The following P4HA1 variants were observed in gnomAD, a reference collection of about 807,000 sequenced individuals.
P4HA1 encodes prolyl 4-hydroxylase subunit alpha-1.
A neutral mutation model predicts 72.8 loss-of-function variants in P4HA1; 24 were observed. The ratio of observed to expected loss-of-function variants is 0.33; its 90% CI spans 0.24 to 0.46. P4HA1 has a LOEUF of 0.46. Ranked by LOEUF, P4HA1 falls within the 20% of genes least tolerant of loss-of-function variation. The probability of loss-of-function intolerance (pLI) is 1.00; values close to 1 mark genes in which losing one functional copy is unlikely to be tolerated. For synonymous variants in P4HA1, 201 were observed against 218.8 expected (o/e 0.92, Z 0.72); for missense variants, 446 against 640.6 (o/e 0.70, Z 3.28).
At chr10:73,076,751 A>AC (rs34584160) in intron 1 of P4HA1, among the ~76,000 whole-genome samples, 24,274 of 152,032 alleles carry the variant, frequency 0.16, 3,212 homozygotes, top group African/African-American at 0.34. Context: ...AGAATAAGTT[A>AC]CATTACAGTA....
rs560941013 is a variant in P4HA1, at chr10:73,043,293, G to A, written c.1148+1688C>T. Among the ~76,000 whole-genome samples, 23 of 152,286 alleles carry A rather than the reference G, an allele frequency of 1.5e-4. No homozygotes were observed. In the South Asian group the frequency reaches 4.8e-3, roughly 32 times the overall value. ...TGTTAGAATAAAAATTCAGCACAAA[G>A]ATATTTCTATTTTCATGAGAGCCGA... is the stretch of plus-strand genomic sequence containing the variant. On this transcript the variant is annotated intron_variant, in intron 9 of 14. Coordinates refer to ENST00000394890, the MANE Select transcript of P4HA1 (RefSeq NM_001017962.3).
At chr10:73,010,864 TGAAAAA>T in intron 13 of P4HA1, 99 bp downstream of exon 13, 1 of 839,858 alleles carries the variant, frequency 1.2e-6, no homozygotes, top group South Asian at 1.6e-5. Flanking sequence ...TCTCAAAAAA[TGAAAAA>T]GAAAAAAAAA....
intron 1 of P4HA1, among the ~76,000 whole-genome samples, chr10:73,084,457 C>A (rs1841885172): frequency 6.6e-6 from 1 of 152,088 alleles, no homozygotes; most frequent in Admixed American, 6.6e-5. Flanking sequence ...CCACGACCGG[C>A]CAATTTTTTA....
At chr10:73,077,338 AAG>A (rs1336364146) in intron 1 of P4HA1, among the ~76,000 whole-genome samples, 2 of 152,248 alleles carry the variant, frequency 1.3e-5, no homozygotes, top group Non-Finnish European at 2.9e-5. Context: ...TTTGTCAGAA[AAG>A]AGGTTATTTT....
intron 1 of P4HA1, among the ~76,000 whole-genome samples, chr10:73,093,895 TATATATATATATACAC>T (rs1268606309): frequency 3.7e-5 from 3 of 80,204 alleles, no homozygotes; most frequent in African/African-American, 1.2e-4. Flanking sequence ...TATATATATA[TATATATATATATACAC>T]ACACACACAC....
Position 73,014,259 on chromosome 10 carries a change from C to T in P4HA1, c.1333G>A (p.Gly445Arg). 1.2e-6 allele frequency: 2 copies of T among 1,613,368 alleles called. No individual in the cohort carries two copies. The highest frequency in any genetic ancestry group is 1.3e-5 in the African/African-American group (1 of 75,016). The change falls in exon 12 of 15, where the codon GGG (glycine) becomes AGG (arginine). Residue 445 changes from glycine (G) to arginine (R), a missense_variant. Transcript: ENST00000394890. ...CATGTAGCAATTCTATTTCCTGTCC[C>T]CAGCTCTTTGAAAGCATCTGGCTCA... Reference protein sequence around the residue: ...KDEPDAFKELGTGNRIATWLF... With the variant: ...KDEPDAFKELRTGNRIATWLF...
intron 9 of P4HA1, among the ~76,000 whole-genome samples, chr10:73,038,563 C>T (rs1488364659): frequency 4.6e-5 from 7 of 151,684 alleles, no homozygotes; most frequent in Non-Finnish European, 8.8e-5. Context: ...CTCTGATCTA[C>T]CCAAAATTAT....
chr10:73,042,738 T>C (rs1840767203), intron 9 of P4HA1, among the ~76,000 whole-genome samples: 1 of 151,892 alleles, frequency 6.6e-6, no homozygotes, highest in Admixed American at 6.6e-5. Flanking sequence ...GAGGTAGTGG[T>C]GGGGATTTTA....
At chr10:73,073,118 C>T (rs1264063749) in intron 3 of P4HA1, among the ~76,000 whole-genome samples, 1 of 144,210 alleles carries the variant, frequency 6.9e-6, no homozygotes, top group Non-Finnish European at 1.5e-5. Flanking sequence ...TGCAGTGAGC[C>T]ACGATCATGC....
chr10:73,088,704 G>A (rs1376145511), intron 1 of P4HA1, among the ~76,000 whole-genome samples: 2 of 152,166 alleles, frequency 1.3e-5, no homozygotes, highest in Admixed American at 6.6e-5. Flanking sequence ...GATACTTGGT[G>A]CCCAAATAAA....
At chr10:73,076,058 C>T (rs76390366) in intron 1 of P4HA1, among the ~76,000 whole-genome samples, 24,224 of 151,772 alleles carry the variant, frequency 0.16, 3,204 homozygotes, top group African/African-American at 0.34. Context: ...TTGGGCAATA[C>T]AGCAAGACCC....
At position 73,009,842 on chromosome 10, in the gene P4HA1, T is replaced by C; in HGVS notation, c.1499A>G (p.His500Arg). The C allele has an allele frequency of 6.2e-7, 1 of 1,609,896 alleles. No homozygotes were observed. The highest frequency in any genetic ancestry group is 8.5e-7 in the Non-Finnish European group (1 of 1,176,160). ...ASGEGDYSTRHAACPVLVGNK... is the reference protein window; with the variant it reads ...ASGEGDYSTRRAACPVLVGNK... ...GCCAACTAGCACTGGACAGGCTGCA[T>C]GCCGTGTACTATAATCTCCTTCTCC... The change falls in exon 14 of 15, where the codon CAT becomes CGT. Residue 500 changes from histidine (H) to arginine (R), a missense_variant. Transcript: ENST00000394890.
At chr10:73,070,892 G>T (rs752363241) in intron 4 of P4HA1, among the ~76,000 whole-genome samples, 14 of 151,992 alleles carry the variant, frequency 9.2e-5, no homozygotes, top group Non-Finnish European at 2.1e-4. Flanking sequence ...TTAAAAAATG[G>T]TTCAGGGGCC....
chr10:73,019,351 G>C (rs1238209428), intron 10 of P4HA1, among the ~76,000 whole-genome samples: 4 of 151,950 alleles, frequency 2.6e-5, no homozygotes, highest in Non-Finnish European at 5.9e-5. Flanking sequence ...ATCAATGCAG[G>C]AAACAAGAAA....
At chr10:73,026,878 C>T (rs563663657) in intron 10 of P4HA1, among the ~76,000 whole-genome samples, 128 of 152,282 alleles carry the variant, frequency 8.4e-4, no homozygotes, top group African/African-American at 2.4e-3. Context: ...AAGAGAAATG[C>T]GAAGCAAAAC....
At chr10:73,096,156 C>T (rs891555048) in intron 1 of P4HA1, among the ~76,000 whole-genome samples, 2 of 152,220 alleles carry the variant, frequency 1.3e-5, no homozygotes, top group Admixed American at 1.3e-4. Context: ...AAGCTCGGCG[C>T]CCCGGGCTAC....
intron 4 of P4HA1, among the ~76,000 whole-genome samples, chr10:73,070,324 C>T (rs1057132308): frequency 6.6e-6 from 1 of 151,094 alleles, no homozygotes; most frequent in African/African-American, 2.4e-5. Context: ...GCCCGGCTAA[C>T]TTTTATATTT....
intron 11 of P4HA1, among the ~76,000 whole-genome samples, chr10:73,015,877 G>GTTT (rs113800763): frequency 6.9e-6 from 1 of 144,892 alleles, no homozygotes. Context: ...TAGGTGTTTG[G>GTTT]TTTTTTTTTT....
At chr10:73,010,644 G>A (rs746271488) in intron 13 of P4HA1, among the ~76,000 whole-genome samples, 23 of 152,116 alleles carry the variant, frequency 1.5e-4, no homozygotes, top group Admixed American at 2.6e-4. Context: ...TGAGGTGGGA[G>A]GATCACTTGA....
Sources: gnomAD v4.1 joint callset for allele counts (sites outside exome capture counted in the v4.1 genomes callset) on GRCh38, gnomAD v4.1.1 for gene constraint, MANE v1.5 for transcripts, NCBI Gene and HGNC (gene_info 2026-07-23, HGNC 2026-07-21) for gene names.